The following ATR variants were observed in gnomAD, a reference collection of about 807,000 sequenced individuals.
ATR encodes the protein serine/threonine-protein kinase ATR.
ATR carries 142 observed loss-of-function variants against 305.3 expected under a neutral mutation model. That is an observed-to-expected ratio of 0.47 (90% CI 0.41 to 0.53). The LOEUF (loss-of-function observed/expected upper bound fraction) is 0.53. Ranked by LOEUF, ATR falls within the 20% of genes least tolerant of loss-of-function variation. ATR has a pLI of 0.00. For missense variants in ATR, 2,135 were observed against 3,133.1 expected, an observed-to-expected ratio of 0.68 and a Z score of 7.60; for synonymous variants, 1,050 against 1,068.1, an observed-to-expected ratio of 0.98 and a Z score of 0.33.
intron 36 of ATR, among the ~76,000 whole-genome samples, chr3:142,472,904 T>A (rs1283867067): frequency 1.3e-5 from 2 of 152,162 alleles, no homozygotes; most frequent in Non-Finnish European, 2.9e-5. Context: ...CCTCTCAAAG[T>A]GCTGGGATTA....
At chr3:142,467,202 G>C (rs2071150178) in intron 39 of ATR, among the ~76,000 whole-genome samples, 1 of 152,128 alleles carries the variant, frequency 6.6e-6, no homozygotes, top group Admixed American at 6.5e-5. Context: ...CCTTATTAAA[G>C]AACTTCTCTC....
intron 24 of ATR, among the ~76,000 whole-genome samples, chr3:142,517,331 A>G (rs1001041719): frequency 7.4e-6 from 1 of 134,374 alleles, no homozygotes; most frequent in African/African-American, 3.1e-5. Context: ...TTTAGTGATT[A>G]TATATAAAGA....
At chr3:142,520,044 G>A (rs1028737825) in intron 23 of ATR, among the ~76,000 whole-genome samples, 5 of 151,810 alleles carry the variant, frequency 3.3e-5, no homozygotes, top group East Asian at 3.9e-4. Context: ...TCTCTATGTC[G>A]CATTTCGGTA....
chr3:142,494,160 A>G (rs1259988647), intron 34 of ATR, among the ~76,000 whole-genome samples: 2 of 152,196 alleles, frequency 1.3e-5, no homozygotes, highest in Non-Finnish European at 2.9e-5. Context: ...ATTAGGTATT[A>G]TAAGTAGCCT....
At position 142,538,532 on chromosome 3, in the gene ATR, G is replaced by C. The variant is rs2033939279; in HGVS notation, c.3675C>G (p.Ile1225Met). Residue 1225 changes from isoleucine (I) to methionine (M), a missense_variant, in exon 19 of 47, where the codon ATC (isoleucine) becomes ATG (methionine). By Grantham distance (10) the Ile-to-Met change is conservative (BLOSUM62 1). Around this residue, in one of 9 missense-constraint regions of ATR, gnomAD observed 530 missense variants for 766.8 expected, o/e 0.69. Transcript: ENST00000350721. ...AGATAGCTGCAGTTTCTTTAGGCTG[G>C]ATGTGTATAAGAGGTAACAAAGCTA... ...VIVALLPLIH[I>M]QPKETAAIFH... 1.2e-6 allele frequency: 2 copies of C among 1,613,266 alleles called. No individual in the cohort carries two copies. Among genetic ancestry groups the C allele is most frequent in the Non-Finnish European group, 1.7e-6 (2 of 1,179,522 alleles).
At chr3:142,567,150 C>A (rs1304270243) in intron 2 of ATR, among the ~76,000 whole-genome samples, 2 of 152,032 alleles carry the variant, frequency 1.3e-5, no homozygotes, top group Admixed American at 1.3e-4. Context: ...CCAGGCAATG[C>A]TAAAATCTAA....
At chr3:142,520,353 A>G (rs2033095557) in intron 23 of ATR, among the ~76,000 whole-genome samples, 1 of 152,216 alleles carries the variant, frequency 6.6e-6, no homozygotes, top group Non-Finnish European at 1.5e-5. Context: ...CTCTCACTTT[A>G]AATCAAAAGC....
chr3:142,511,368 C>A (rs1225194556), intron 27 of ATR, among the ~76,000 whole-genome samples: 1 of 152,126 alleles, frequency 6.6e-6, no homozygotes, highest in Non-Finnish European at 1.5e-5. Context: ...ATATTAACCC[C>A]ATTTTGGCCA....
intron 45 of ATR, among the ~76,000 whole-genome samples, chr3:142,453,490 C>T (rs2070836548): frequency 6.6e-6 from 1 of 152,138 alleles, no homozygotes; most frequent in African/African-American, 2.4e-5. Flanking sequence ...TATGTGCCAT[C>T]TCTAAGTGTA....
At chr3:142,454,394 ATGTCCAACTAACCAG>A (rs1421808015) in intron 45 of ATR, among the ~76,000 whole-genome samples, 3 of 147,190 alleles carry the variant, frequency 2.0e-5, no homozygotes, top group African/African-American at 7.5e-5. Context: ...GCTTTTGCAT[ATGTCCAACTAACCAG>A]TATTCTACCA....
intron 24 of ATR, among the ~76,000 whole-genome samples, chr3:142,518,706 T>G (rs1473135143): frequency 6.6e-6 from 1 of 152,206 alleles, no homozygotes; most frequent in Non-Finnish European, 1.5e-5. Flanking sequence ...TTAGTATAAG[T>G]CTAGGCACTT....
rs55690216 is a variant in ATR, at chr3:142,565,733, TA to T, written c.292+387del. Among the ~76,000 whole-genome samples the T allele has an allele frequency of 5.8e-3, 464 of 79,332 alleles. 1 individual carries two copies. The highest frequency in any genetic ancestry group is 0.01 in the East Asian group (27 of 2,650). 52.0% of individuals were successfully genotyped at this position (79,332 alleles called of 152,430 possible). On this transcript the variant is annotated intron_variant, in intron 3 of 46. Coordinates refer to ENST00000350721, the MANE Select transcript of ATR (RefSeq NM_001184.4). ...CAACATAGCGAGACCCTGTCTTATT[TA>T]AAAAAAAAAAAAAAAAAAAAAAAAG...
In ATR at chr3:142,560,270, T is replaced by C; in HGVS notation, c.1534A>G (p.Met512Val). The change falls in exon 6 of 47, where the codon ATG becomes GTG. Residue 512 changes from methionine to valine, a missense_variant. This residue lies in a region of ATR where 744 missense variants were observed against 873.2 expected (regional missense o/e 0.85). Transcript: ENST00000350721. ...LCTVHCSHQN[M>V]NCRTFKDCQH... ...ACAAGAAGTTTGTTTTACCAGTTCA[T>C]GTTTTGATGAGAACAATGAACAGTA... 3 of 1,613,756 alleles carry C rather than the reference T, an allele frequency of 1.9e-6. No individual in the cohort carries two copies. The highest frequency in any genetic ancestry group is 2.7e-5 in the African/African-American group (2 of 75,042).
At position 142,553,561 on chromosome 3, in the gene ATR, A is replaced by G; in HGVS notation, c.2633+79T>C. 2 of 1,460,030 alleles carry G rather than the reference A, an allele frequency of 1.4e-6. 1 individual carries two copies. Among genetic ancestry groups the G allele is most frequent in the South Asian group, 2.4e-5 (2 of 83,940 alleles). 90.4% of individuals were successfully genotyped at this position (1,460,030 alleles called of 1,614,324 possible). A position where few individuals can be genotyped will look rare whatever the true frequency, so the allele number is the denominator to read the frequency against. On this transcript the variant is annotated intron_variant, in intron 12 of 46. Coordinates refer to ENST00000350721, the MANE Select transcript of ATR (RefSeq NM_001184.4). ...TCTATAATATCACAAATATCATATC[A>G]CCATTTTTAACAGCAAGCAAATAAA...
At chr3:142,480,401 A>C (rs1165994966) in intron 36 of ATR, among the ~76,000 whole-genome samples, 5 of 152,200 alleles carry the variant, frequency 3.3e-5, no homozygotes, top group African/African-American at 1.2e-4. Flanking sequence ...GCAGAACAGC[A>C]AATATTGCTG....
rs773598078 is a variant in ATR at position 142,523,958 on chromosome 3, G to T, written c.4152+35C>A. The T allele has an allele frequency of 3.2e-6, 5 of 1,586,690 alleles. No homozygotes were observed. The Admixed American group carries it at 6.7e-5, about 21-fold the overall frequency. On this transcript the variant is annotated intron_variant, in intron 22 of 46. Transcript: ENST00000350721. ...AATATATAAACCTCAATAGGACAGA[G>T]AACTCTTTTGTCATTCCAAATTTCC...
Position 142,498,181 on chromosome 3 carries a change from T to C in ATR, c.5558+416A>G, listed in dbSNP as rs889582521. Reference sequence around the variant, plus strand: ...TTTCCAACATTTTCTTCTTCACCTATAAAAGTTAATATTCTTTCTAGTAAT... The same window carrying C: ...TTTCCAACATTTTCTTCTTCACCTACAAAAGTTAATATTCTTTCTAGTAAT... On this transcript the variant is annotated intron_variant, in intron 32 of 46. Transcript: ENST00000350721. Among the ~76,000 whole-genome samples, 7 of 152,190 alleles carry C rather than the reference T, an allele frequency of 4.6e-5. 1 individual carries two copies. The highest frequency in any genetic ancestry group is 1.7e-4 in the African/African-American group (7 of 41,440).
At chr3:142,522,486 A>G (rs2033188809) in intron 23 of ATR, among the ~76,000 whole-genome samples, 2 of 152,182 alleles carry the variant, frequency 1.3e-5, no homozygotes, top group Admixed American at 6.5e-5. Context: ...TAACTCATTT[A>G]AGTCACAAAG....
At chr3:142,567,439 A>G (rs1297709661) in intron 2 of ATR, among the ~76,000 whole-genome samples, 1 of 152,194 alleles carries the variant, frequency 6.6e-6, no homozygotes, top group Non-Finnish European at 1.5e-5. Context: ...ATTGAAAAAG[A>G]AAGGATTAAT....
Sources: allele counts gnomAD v4.1 joint callset (sites outside exome capture counted in the v4.1 genomes callset), GRCh38; gene constraint gnomAD v4.1.1; regional missense constraint gnomAD v4.1.1; transcripts MANE v1.5; gene names NCBI Gene and HGNC (gene_info 2026-07-23, HGNC 2026-07-21).